SCFD2: variants seen among roughly 807,000 people sequenced by gnomAD.
The protein encoded by SCFD2 is sec1 family domain-containing protein 2.
In SCFD2, 54 loss-of-function variants were observed where a neutral mutation model predicts 58.9. That is an observed-to-expected ratio of 0.92 (90% CI 0.74 to 1.15). The LOEUF (loss-of-function observed/expected upper bound fraction) is 1.15. Among genes scored for constraint, SCFD2 ranks in the 50% most tolerant of loss-of-function variants. SCFD2 has a pLI of 0.00. For missense variants in SCFD2, 805 were observed against 836.6 expected, an observed-to-expected ratio of 0.96 and a Z score of 0.47; for synonymous variants, 321 against 335.9, an observed-to-expected ratio of 0.96 and a Z score of 0.49.
intron 4 of SCFD2, among the ~76,000 whole-genome samples, chr4:53,271,320 C>CAT (rs994065976): frequency 1.2e-4 from 18 of 151,900 alleles, no homozygotes; most frequent in Non-Finnish European, 2.4e-4. Context: ...CACACGCACA[C>CAT]ACACACACAC....
chr4:53,085,764 G>A (rs1724287498), intron 5 of SCFD2, among the ~76,000 whole-genome samples: 1 of 152,094 alleles, frequency 6.6e-6, no homozygotes, highest in Non-Finnish European at 1.5e-5. Flanking sequence ...TGACAAAGGT[G>A]CCAAAAATAT....
intron 3 of SCFD2, among the ~76,000 whole-genome samples, chr4:53,312,169 A>T (rs1732712413): frequency 6.6e-6 from 1 of 152,172 alleles, no homozygotes; most frequent in Non-Finnish European, 1.5e-5. Flanking sequence ...AGGGTGAGGG[A>T]CCAGGCTAGG....
chr4:52,940,303 C>A (rs887246716), intron 5 of SCFD2, among the ~76,000 whole-genome samples: 7 of 152,170 alleles, frequency 4.6e-5, no homozygotes, highest in Non-Finnish European at 1.5e-5. Context: ...TCCGACTACA[C>A]TCAGCATGTA....
At chr4:52,910,656 A>G (rs1197401213) in intron 6 of SCFD2, among the ~76,000 whole-genome samples, 1 of 152,204 alleles carries the variant, frequency 6.6e-6, no homozygotes, top group Non-Finnish European at 1.5e-5. Flanking sequence ...AGAAGAAAAT[A>G]TACCCCTGAT....
Position 52,968,624 on chromosome 4 carries a change from C to A in SCFD2, c.1562-47754G>T, listed in dbSNP as rs1721019348. 2.6e-5 allele frequency among the ~76,000 whole-genome samples: 4 copies of A among 152,272 alleles called. No individual in the cohort carries two copies. In the South Asian group the frequency reaches 6.2e-4, roughly 24 times the overall value. ...ACACAGAGGTTGTCAAGAACCTAGC[C>A]ACAGGGAAGTGGGTGTGACAAAAAT... On this transcript the variant is annotated intron_variant, in intron 5 of 8. Transcript: ENST00000401642.
At chr4:53,282,685 A>C (rs2149078262) in intron 3 of SCFD2, among the ~76,000 whole-genome samples, 1 of 152,322 alleles carries the variant, frequency 6.6e-6, no homozygotes, top group East Asian at 1.9e-4. Flanking sequence ...CAAAATTTCC[A>C]GCTAAAAGAC....
At chr4:53,233,251 T>C (rs1353478096) in intron 4 of SCFD2, among the ~76,000 whole-genome samples, 2 of 152,084 alleles carry the variant, frequency 1.3e-5, no homozygotes, top group African/African-American at 2.4e-5. Context: ...ACTGGGGTAG[T>C]TGTCATGGTA....
chr4:53,184,230 A>G (rs1409842001), intron 4 of SCFD2, among the ~76,000 whole-genome samples: 2 of 152,118 alleles, frequency 1.3e-5, no homozygotes, highest in Non-Finnish European at 2.9e-5. Context: ...AGGGAAAAAG[A>G]CCACATTTCC....
In SCFD2 at chr4:52,943,062, AG is replaced by A. The variant is rs948806024; in HGVS notation, c.1562-22193del. ...GTAAAAAATAATTTAAACAAAACAA[AG>A]GTATGGGAGTAGCCCAGTGATTCAA... On this transcript the variant is annotated intron_variant, in intron 5 of 8. Coordinates refer to ENST00000401642, the MANE Select transcript of SCFD2 (RefSeq NM_152540.4). Among the ~76,000 whole-genome samples, 20 of 152,316 alleles carry A rather than the reference AG, an allele frequency of 1.3e-4. No homozygotes were observed. In the Middle Eastern group the frequency reaches 0.01, roughly 78 times the overall value.
chr4:53,152,198 C>T (rs1057086043), intron 4 of SCFD2, among the ~76,000 whole-genome samples: 2 of 150,904 alleles, frequency 1.3e-5, no homozygotes, highest in Non-Finnish European at 2.9e-5. Flanking sequence ...CAAAACACTT[C>T]AAAGAATCAG....
At chr4:53,338,084 A>C (rs2149141875) in intron 2 of SCFD2, among the ~76,000 whole-genome samples, 1 of 152,354 alleles carries the variant, frequency 6.6e-6, no homozygotes, top group Non-Finnish European at 1.5e-5. Context: ...GGCAAATAAT[A>C]GATTCTGGAG....
At chr4:53,136,627 C>T (rs948564892) in intron 5 of SCFD2, among the ~76,000 whole-genome samples, 2 of 152,140 alleles carry the variant, frequency 1.3e-5, no homozygotes, top group African/African-American at 4.8e-5. Flanking sequence ...TAAATTCTCC[C>T]AAAGAGAAGT....
chr4:53,269,809 G>C (rs1387683890), intron 4 of SCFD2, among the ~76,000 whole-genome samples: 1 of 152,240 alleles, frequency 6.6e-6, no homozygotes, highest in Admixed American at 6.5e-5. Context: ...CAGATCACTA[G>C]AGATCAGAAG....
chr4:52,906,171 G>C (rs1302717637), intron 7 of SCFD2, among the ~76,000 whole-genome samples: 1 of 152,068 alleles, frequency 6.6e-6, no homozygotes, highest in African/African-American at 2.4e-5. Flanking sequence ...TTGTACCCTT[G>C]GCCAGACCCC....
chr4:53,002,004 G>A (rs1337400583), intron 5 of SCFD2, among the ~76,000 whole-genome samples: 1 of 152,210 alleles, frequency 6.6e-6, no homozygotes, highest in Non-Finnish European at 1.5e-5. Flanking sequence ...AAGTGATCTT[G>A]TGGTTTACTG....
At chr4:53,141,863 C>T (rs1464540270) in intron 5 of SCFD2, among the ~76,000 whole-genome samples, 4 of 152,070 alleles carry the variant, frequency 2.6e-5, no homozygotes, top group African/African-American at 9.7e-5. Context: ...CAGAGAAAGA[C>T]CAATTTGCTT....
intron 5 of SCFD2, among the ~76,000 whole-genome samples, chr4:53,030,953 A>G (rs1722601687): frequency 6.6e-6 from 1 of 152,240 alleles, no homozygotes; most frequent in Non-Finnish European, 1.5e-5. Flanking sequence ...TTTCTATAAA[A>G]ATAATTAAAC....
chr4:53,271,394 A>T (rs1187487301), intron 4 of SCFD2, among the ~76,000 whole-genome samples: 1 of 151,928 alleles, frequency 6.6e-6, no homozygotes, highest in Admixed American at 6.6e-5. Flanking sequence ...TTGTATATTT[A>T]TGATGTGGTT....
At chr4:53,139,444 GCCCCGCCGCCA>G in intron 5 of SCFD2, among the ~76,000 whole-genome samples, 1 of 128,246 alleles carries the variant, frequency 7.8e-6, no homozygotes, top group Non-Finnish European at 1.8e-5. Context: ...GAGTGTCTCT[GCCCCGCCGCCA>G]CCCCGTCTGG....
Sources: gnomAD v4.1 joint callset for allele counts (sites outside exome capture counted in the v4.1 genomes callset) on GRCh38, gnomAD v4.1.1 for gene constraint, MANE v1.5 for transcripts, NCBI Gene and HGNC (gene_info 2026-07-23, HGNC 2026-07-21) for gene names.